KAZN: variants seen among roughly 807,000 people sequenced by gnomAD.
The protein encoded by KAZN is kazrin.
In KAZN, 40 loss-of-function variants were observed where a neutral mutation model predicts 87.4. The ratio of observed to expected loss-of-function variants is 0.46; its 90% confidence interval spans 0.36 to 0.60. The LOEUF (loss-of-function observed/expected upper bound fraction) is 0.60, where lower values mean the gene tolerates loss of function less well. Ranked by LOEUF, KAZN falls within the 20% of genes least tolerant of loss-of-function variation. KAZN has a pLI of 0.00. For missense variants in KAZN, 898 were observed against 1,073.9 expected (o/e 0.84, Z 2.29); for synonymous variants, 466 against 458.3 (o/e 1.02, Z -0.22).
intron 1 of KAZN, among the ~76,000 whole-genome samples, chr1:14,102,100 T>TAA (rs908738066): frequency 6.7e-6 from 1 of 148,860 alleles, no homozygotes; most frequent in Non-Finnish European, 1.5e-5. Context: ...TCTTGGAACT[T>TAA]AAAAAAAAAA....
chr1:14,448,488 C>A (rs1338496054), intron 2 of KAZN, among the ~76,000 whole-genome samples: 2 of 152,232 alleles, frequency 1.3e-5, no homozygotes, highest in Non-Finnish European at 2.9e-5. Context: ...GGTCATCTGA[C>A]TGTATTGCTG....
Position 15,050,073 on chromosome 1 carries a change from G to GAGTAC in KAZN, c.726+5918_726+5919insCAGTA, listed in dbSNP as rs1389444930. Among the ~76,000 whole-genome samples the GAGTAC allele has an allele frequency of 7.5e-3, 700 of 93,438 alleles. 7 individuals carry two copies. The highest frequency in any genetic ancestry group is 0.033 in the African/African-American group (629 of 19,038). The allele number at this position is 93,438 out of a possible 152,430, so 61.3% of individuals were successfully genotyped here. On this transcript the variant is annotated intron_variant, in intron 4 of 14. Transcript: ENST00000376030. ...GGGTAGGGTAGGGTAGGGTAGAGTA[G>GAGTAC]AGTAGAGTACAGTAGAGTACAGTAG... is the stretch of plus-strand genomic sequence containing the variant.
At chr1:14,871,153 G>A (rs1422909586) in intron 1 of KAZN, among the ~76,000 whole-genome samples, 2 of 152,196 alleles carry the variant, frequency 1.3e-5, no homozygotes, top group African/African-American at 4.8e-5. Flanking sequence ...ACCACCACAC[G>A]GCACCTATGT....
At chr1:14,639,107 G>C (rs948715629) in intron 1 of KAZN, among the ~76,000 whole-genome samples, 13 of 152,070 alleles carry the variant, frequency 8.5e-5, no homozygotes, top group Admixed American at 3.3e-4. Context: ...TGCACCCTTG[G>C]TGTGGCTCCA....
At chr1:14,158,795 C>A (rs549924833) in intron 1 of KAZN, among the ~76,000 whole-genome samples, 1 of 152,284 alleles carries the variant, frequency 6.6e-6, no homozygotes, top group South Asian at 2.1e-4. Context: ...GTGTTATGAT[C>A]TAAGCTGTCT....
intron 1 of KAZN, among the ~76,000 whole-genome samples, chr1:13,899,487 G>T (rs1190176889): frequency 6.6e-6 from 1 of 152,144 alleles, no homozygotes; most frequent in East Asian, 1.9e-4. Flanking sequence ...ATCTGTGCCA[G>T]CAAATGACTG....
intron 2 of KAZN, among the ~76,000 whole-genome samples, chr1:14,532,135 C>A (rs1365014875): frequency 6.6e-6 from 1 of 152,086 alleles, no homozygotes; most frequent in Non-Finnish European, 1.5e-5. Flanking sequence ...ATGACAGCCT[C>A]CCCTCTTGCT....
chr1:14,026,732 GC>G (rs1397662561), intron 1 of KAZN, among the ~76,000 whole-genome samples: 1 of 152,172 alleles, frequency 6.6e-6, no homozygotes, highest in Non-Finnish European at 1.5e-5. Flanking sequence ...TTTCTAACAA[GC>G]TTTCTGGTCC....
rs201963397 is a variant in KAZN, at chr1:15,114,516, G to T, written c.2209G>T (p.Asp737Tyr). Residue 737 changes from aspartate (D) to tyrosine (Y), a missense_variant, in exon 15 of 15, where the codon GAT (aspartate) becomes TAT (tyrosine). Around this residue, in one of 3 missense-constraint regions of KAZN, gnomAD observed 127 missense variants for 121.5 expected, o/e 1.04. Transcript: ENST00000376030. ...AAGGGGCTTCAGCAGCAAAGATCCC[G>T]ATTTCCATGATGACTATGGCTCTCT... ...IGRGFSSKDP[D>Y]FHDDYGSLQN... 2 of 1,611,786 alleles carry T rather than the reference G, an allele frequency of 1.2e-6. No individual in the cohort carries two copies. Among genetic ancestry groups the T allele is most frequent in the Non-Finnish European group, 1.7e-6 (2 of 1,179,102 alleles).
intron 1 of KAZN, among the ~76,000 whole-genome samples, chr1:14,637,463 C>T (rs1680077745): frequency 6.6e-6 from 1 of 152,116 alleles, no homozygotes; most frequent in Non-Finnish European, 1.5e-5. Flanking sequence ...GCCAAGGGCA[C>T]ACAGTGGAGA....
intron 1 of KAZN, among the ~76,000 whole-genome samples, chr1:14,636,318 C>T (rs371657083): frequency 1.3e-5 from 2 of 152,104 alleles, no homozygotes; most frequent in Non-Finnish European, 2.9e-5. Context: ...CTCAGTGGTC[C>T]CCCTCTCTAG....
At chr1:14,354,981 G>A (rs527977450) in intron 2 of KAZN, among the ~76,000 whole-genome samples, 1 of 152,092 alleles carries the variant, frequency 6.6e-6, no homozygotes, top group East Asian at 1.9e-4. Context: ...TAAACAAACT[G>A]GCATGTTGAT....
At chr1:14,913,566 T>C (rs1055346072) in intron 1 of KAZN, among the ~76,000 whole-genome samples, 1 of 152,362 alleles carries the variant, frequency 6.6e-6, no homozygotes, top group African/African-American at 2.4e-5. Flanking sequence ...GACCAGGGCC[T>C]AAGGTGACTT....
At chr1:14,110,204 G>A (rs949896290) in intron 1 of KAZN, among the ~76,000 whole-genome samples, 3 of 152,172 alleles carry the variant, frequency 2.0e-5, no homozygotes, top group Non-Finnish European at 4.4e-5. Flanking sequence ...ACTTCAGCTG[G>A]ATGTTCCGTT....
chr1:14,988,239 C>T (rs12562381), intron 2 of KAZN, among the ~76,000 whole-genome samples: 52,308 of 152,174 alleles, frequency 0.34, 10,205 homozygotes, highest in African/African-American at 0.52. Context: ...ATGCCCCTAC[C>T]CCAGCCCTGT....
intron 10 of KAZN, among the ~76,000 whole-genome samples, chr1:15,095,389 T>C (rs994265599): frequency 2.6e-5 from 4 of 152,052 alleles, no homozygotes; most frequent in African/African-American, 7.2e-5. Context: ...ACCTCTCCCA[T>C]AGAGGAGCGG....
chr1:14,595,680 C>CAAAAAAAAAAA (rs34080804), upstream of KAZN, among the ~76,000 whole-genome samples: 4 of 96,670 alleles, frequency 4.1e-5, no homozygotes, highest in African/African-American at 1.8e-4. Context: ...GACTGCGTCT[C>CAAAAAAAAAAA]AAAAAAAAAA....
intron 1 of KAZN, among the ~76,000 whole-genome samples, chr1:14,905,541 T>C (rs910066386): frequency 4.6e-5 from 7 of 152,184 alleles, no homozygotes; most frequent in Admixed American, 6.5e-5. Flanking sequence ...ATGCAAATAG[T>C]TCAGTAAAAA....
chr1:14,225,554 AT>A (rs1647235261), intron 2 of KAZN, among the ~76,000 whole-genome samples: 1 of 152,192 alleles, frequency 6.6e-6, no homozygotes, highest in Non-Finnish European at 1.5e-5. Context: ...AAACAAAAAA[AT>A]AAGCCTGAAT....
Sources: allele counts gnomAD v4.1 joint callset (sites outside exome capture counted in the v4.1 genomes callset), GRCh38; gene constraint gnomAD v4.1.1; regional missense constraint gnomAD v4.1.1; transcripts MANE v1.5; gene names NCBI Gene and HGNC (gene_info 2026-07-23, HGNC 2026-07-21).